LRRTM4: variants seen among roughly 807,000 people sequenced by gnomAD.
The protein encoded by LRRTM4 is leucine-rich repeat transmembrane neuronal protein 4.
LRRTM4 carries 25 observed loss-of-function variants against 47.6 expected under a neutral mutation model. The ratio of observed to expected loss-of-function variants is 0.53; its 90% CI spans 0.38 to 0.73. The LOEUF is 0.73. Among genes scored for constraint, LRRTM4 ranks in the 30% least tolerant of loss-of-function variants. The pLI, the probability that LRRTM4 is intolerant of heterozygous loss-of-function variation, is 0.00. For synonymous variants in LRRTM4, 311 were observed against 269.5 expected, an observed-to-expected ratio of 1.15 and a Z score of -1.51; for missense variants, 638 against 713.4, an observed-to-expected ratio of 0.89 and a Z score of 1.20.
intron 3 of LRRTM4, among the ~76,000 whole-genome samples, chr2:77,499,154 G>C (rs1388326705): frequency 6.6e-6 from 1 of 152,002 alleles, no homozygotes. Flanking sequence ...TGGTTGTCAT[G>C]ATTGGCATGC....
chr2:77,265,486 A>G (rs1472411347), intron 3 of LRRTM4, among the ~76,000 whole-genome samples: 1 of 152,078 alleles, frequency 6.6e-6, no homozygotes, highest in African/African-American at 2.4e-5. Context: ...CTTCCAAGTT[A>G]TGATACAGCA....
intron 3 of LRRTM4, among the ~76,000 whole-genome samples, chr2:77,459,204 C>G (rs1676680924): frequency 6.6e-6 from 1 of 152,082 alleles, no homozygotes; most frequent in East Asian, 1.9e-4. Flanking sequence ...TGGATTTTAT[C>G]TTCACCTCAT....
At chr2:77,340,545 TA>T (rs1671336371) in intron 3 of LRRTM4, among the ~76,000 whole-genome samples, 1 of 151,962 alleles carries the variant, frequency 6.6e-6, no homozygotes, top group African/African-American at 2.4e-5. Flanking sequence ...ATAAAACTCA[TA>T]AATGGATTGT....
intron 3 of LRRTM4, among the ~76,000 whole-genome samples, chr2:77,328,706 C>T (rs1006275791): frequency 3.9e-5 from 6 of 152,128 alleles, no homozygotes; most frequent in African/African-American, 1.2e-4. Context: ...CAAGTGCTGT[C>T]GTTGGGAGAA....
chr2:77,386,721 A>C (rs1277852576), intron 3 of LRRTM4, among the ~76,000 whole-genome samples: 1 of 152,008 alleles, frequency 6.6e-6, no homozygotes, highest in Admixed American at 6.6e-5. Context: ...CTCACTCGTA[A>C]GTGGGAGTTG....
chr2:76,786,364 G>T (rs925300597), intron 3 of LRRTM4, among the ~76,000 whole-genome samples: 9 of 151,894 alleles, frequency 5.9e-5, no homozygotes, highest in African/African-American at 2.2e-4. Context: ...ACCCACAAAT[G>T]ATGAATAGGC....
At chr2:76,821,769 T>C (rs928504103) in intron 3 of LRRTM4, among the ~76,000 whole-genome samples, 2 of 151,596 alleles carry the variant, frequency 1.3e-5, no homozygotes, top group South Asian at 4.1e-4. Flanking sequence ...TGTGTTTTTT[T>C]TCCCAAATGT....
At chr2:77,340,156 A>G (rs538222503) in intron 3 of LRRTM4, among the ~76,000 whole-genome samples, 1 of 152,030 alleles carries the variant, frequency 6.6e-6, no homozygotes, top group South Asian at 2.1e-4. Context: ...GTAATTAGAT[A>G]TGCATCTGTT....
At chr2:77,362,921 C>T (rs2104320331) in intron 3 of LRRTM4, among the ~76,000 whole-genome samples, 1 of 152,164 alleles carries the variant, frequency 6.6e-6, no homozygotes, top group Non-Finnish European at 1.5e-5. Flanking sequence ...GAAAAGAAAA[C>T]ATAAATTTAA....
intron 3 of LRRTM4, among the ~76,000 whole-genome samples, chr2:76,984,338 G>A (rs1360486047): frequency 6.6e-6 from 1 of 151,814 alleles, no homozygotes; most frequent in Non-Finnish European, 1.5e-5. Context: ...TTTTAAATGT[G>A]TAGTTTTTTT....
chr2:76,861,425 T>C (rs1241525534), intron 3 of LRRTM4, among the ~76,000 whole-genome samples: 1 of 152,146 alleles, frequency 6.6e-6, no homozygotes, highest in Admixed American at 6.6e-5. Flanking sequence ...CCAAGACGAA[T>C]GGAATTGTTC....
intron 3 of LRRTM4, among the ~76,000 whole-genome samples, chr2:76,789,256 T>TACAA (rs1443671286): frequency 2.6e-5 from 4 of 152,258 alleles, no homozygotes; most frequent in African/African-American, 9.6e-5. Flanking sequence ...TGAAAGGGAA[T>TACAA]ACAAACAGCA....
At chr2:76,852,691 G>T (rs1166887420) in intron 3 of LRRTM4, among the ~76,000 whole-genome samples, 2 of 152,114 alleles carry the variant, frequency 1.3e-5, no homozygotes, top group African/African-American at 4.8e-5. Flanking sequence ...CCTGAAATAT[G>T]CAAATATGAT....
At position 77,113,920 on chromosome 2, in the gene LRRTM4, G is replaced by A. The variant is rs186676513; in HGVS notation, c.1552-365004C>T. Among the ~76,000 whole-genome samples, 180 of 152,212 alleles carry A rather than the reference G, an allele frequency of 1.2e-3. 1 individual carries two copies. Among genetic ancestry groups the A allele is most frequent in the African/African-American group, 4.2e-3 (173 of 41,530 alleles). ...ATATGGCCCAGGGCTGTCCTATTCG[G>A]GGCCGCGGAAGCTGCAAGTAGCGGC... On this transcript the variant is annotated intron_variant, in intron 3 of 3. Coordinates refer to ENST00000409884, the MANE Select transcript of LRRTM4 (RefSeq NM_001134745.3).
chr2:76,854,037 C>T (rs1672073338), intron 3 of LRRTM4, among the ~76,000 whole-genome samples: 1 of 152,126 alleles, frequency 6.6e-6, no homozygotes, highest in Non-Finnish European at 1.5e-5. Context: ...ATGGTCTCTT[C>T]CTTCAGTAGC....
At chr2:77,041,291 T>C (rs1243861162) in intron 3 of LRRTM4, among the ~76,000 whole-genome samples, 1 of 151,616 alleles carries the variant, frequency 6.6e-6, no homozygotes, top group Non-Finnish European at 1.5e-5. Context: ...TTATTGTGTA[T>C]ATATACCACA....
chr2:77,075,234 G>C (rs1420986754), intron 3 of LRRTM4, among the ~76,000 whole-genome samples: 1 of 152,150 alleles, frequency 6.6e-6, no homozygotes, highest in African/African-American at 2.4e-5. Flanking sequence ...GATTTTGGAA[G>C]GAACAGTTTT....
At chr2:77,142,649 T>C (rs1265014774) in intron 3 of LRRTM4, among the ~76,000 whole-genome samples, 1 of 152,126 alleles carries the variant, frequency 6.6e-6, no homozygotes, top group Non-Finnish European at 1.5e-5. Context: ...AACAAGACCA[T>C]GATTGACCTC....
chr2:77,257,717 A>G (rs1387174291), intron 3 of LRRTM4, among the ~76,000 whole-genome samples: 1 of 146,802 alleles, frequency 6.8e-6, no homozygotes, highest in Non-Finnish European at 1.5e-5. Flanking sequence ...TTAAAAATAC[A>G]ACACACACAC....
Sources: allele counts gnomAD v4.1 joint callset (sites outside exome capture counted in the v4.1 genomes callset), GRCh38; gene constraint gnomAD v4.1.1; transcripts MANE v1.5; gene names NCBI Gene and HGNC (gene_info 2026-07-23, HGNC 2026-07-21).